VWC2: variants seen among roughly 807,000 people sequenced by gnomAD.
The protein encoded by VWC2 is brorin.
VWC2 carries 14 observed loss-of-function variants against 29.8 expected under a neutral mutation model. That is an observed-to-expected ratio of 0.47 (90% confidence interval 0.31 to 0.74). The LOEUF (loss-of-function observed/expected upper bound fraction) is 0.74. Among genes scored for constraint, VWC2 ranks in the 30% least tolerant of loss-of-function variants. VWC2 has a pLI of 0.05. For missense variants in VWC2, 457 were observed against 459.8 expected, an observed-to-expected ratio of 0.99 and a Z score of 0.05; for synonymous variants, 213 against 199.0, an observed-to-expected ratio of 1.07 and a Z score of -0.59.
intron 3 of VWC2, among the ~76,000 whole-genome samples, chr7:49,865,213 G>A (rs1001287775): frequency 3.3e-5 from 5 of 152,170 alleles, no homozygotes; most frequent in South Asian, 4.1e-4. Context: ...TGTGTGGTCC[G>A]TGGGGTAGGA....
intron 2 of VWC2, among the ~76,000 whole-genome samples, chr7:49,785,569 T>G (rs1788277461): frequency 6.6e-6 from 1 of 152,084 alleles, no homozygotes; most frequent in Non-Finnish European, 1.5e-5. Flanking sequence ...AAAAATATAT[T>G]CACATCCAGC....
chr7:49,854,976 G>C (rs1448756125), intron 3 of VWC2, among the ~76,000 whole-genome samples: 1 of 152,222 alleles, frequency 6.6e-6, no homozygotes, highest in Admixed American at 6.5e-5. Flanking sequence ...TTTGTCATAA[G>C]AGTAGTGCCA....
chr7:49,780,722 A>G (rs953878198), intron 2 of VWC2, among the ~76,000 whole-genome samples: 2 of 152,208 alleles, frequency 1.3e-5, no homozygotes, highest in Non-Finnish European at 2.9e-5. Flanking sequence ...AAGATGAATT[A>G]TTAATAAGTG....
chr7:49,811,586 A>G (rs1457788143), intron 3 of VWC2, among the ~76,000 whole-genome samples: 3 of 152,208 alleles, frequency 2.0e-5, no homozygotes, highest in Non-Finnish European at 2.9e-5. Flanking sequence ...CAGTCTTAGG[A>G]TATTTAGCAG....
intron 3 of VWC2, among the ~76,000 whole-genome samples, chr7:49,824,569 G>C (rs893977922): frequency 6.6e-6 from 1 of 152,042 alleles, no homozygotes; most frequent in African/African-American, 2.4e-5. Context: ...TTTAAATTTA[G>C]CTTGTCAAGT....
chr7:49,816,967 C>A (rs1789160739), intron 3 of VWC2, among the ~76,000 whole-genome samples: 1 of 152,184 alleles, frequency 6.6e-6, no homozygotes, highest in Admixed American at 6.5e-5. Context: ...CTGCTTTCTC[C>A]CTGCCATTGG....
intron 3 of VWC2, among the ~76,000 whole-genome samples, chr7:49,909,868 T>C (rs978348078): frequency 1.3e-5 from 2 of 151,644 alleles, no homozygotes; most frequent in Non-Finnish European, 2.9e-5. Context: ...CTTTGGGAGG[T>C]CAAGGCGGGA....
chr7:49,833,529 A>G (rs692085), intron 3 of VWC2, among the ~76,000 whole-genome samples: 137,203 of 152,252 alleles, frequency 0.9, 62,011 homozygotes, highest in East Asian at 0.94. Flanking sequence ...TTATGAGATA[A>G]AGGAGCAAGG....
chr7:49,860,614 G>T (rs1301835743), intron 3 of VWC2, among the ~76,000 whole-genome samples: 2 of 152,190 alleles, frequency 1.3e-5, no homozygotes, highest in African/African-American at 4.8e-5. Context: ...TTTGGCTATT[G>T]TAATACCTAG....
intron 2 of VWC2, among the ~76,000 whole-genome samples, chr7:49,792,223 C>G (rs1056332800): frequency 2.0e-5 from 3 of 152,184 alleles, no homozygotes; most frequent in African/African-American, 7.2e-5. Context: ...GACTGTAATT[C>G]ATCCTTGTGG....
chr7:49,780,321 G>A (rs1431797452), intron 2 of VWC2, among the ~76,000 whole-genome samples: 2 of 152,178 alleles, frequency 1.3e-5, no homozygotes, highest in Admixed American at 1.3e-4. Context: ...AAACTAAAAG[G>A]TGACTAAGGG....
At chr7:49,867,308 A>G (rs149548889) in intron 3 of VWC2, among the ~76,000 whole-genome samples, 51 of 152,356 alleles carry the variant, frequency 3.3e-4, no homozygotes, top group African/African-American at 1.1e-3. Context: ...AGATTGCCAG[A>G]AAAGAAGAAG....
chr7:49,885,791 A>G (rs1323535469), intron 3 of VWC2, among the ~76,000 whole-genome samples: 1 of 152,220 alleles, frequency 6.6e-6, no homozygotes, highest in Non-Finnish European at 1.5e-5. Flanking sequence ...TGCGGCCTGG[A>G]CCACTAGCAC....
At chr7:49,800,729 T>C (rs149826508) in intron 2 of VWC2, among the ~76,000 whole-genome samples, 4 of 151,736 alleles carry the variant, frequency 2.6e-5, no homozygotes, top group East Asian at 1.9e-4. Context: ...CTGCTTGCTA[T>C]GTATATATCC....
rs1349352291 is a variant in VWC2 at position 49,912,274 on chromosome 7, A to T, written c.*89A>T. 1 of 1,379,224 alleles carries T rather than the reference A, an allele frequency of 7.3e-7. No individual in the cohort carries two copies. Among genetic ancestry groups the T allele is most frequent in the African/African-American group, 1.4e-5 (1 of 69,388 alleles). The allele number at this position is 1,379,224 out of a possible 1,614,324, so 85.4% of individuals were successfully genotyped here. A position where few individuals can be genotyped will look rare whatever the true frequency, so the allele number is the denominator to read the frequency against. On this transcript the variant is annotated 3_prime_UTR_variant, in exon 4 of 4. Coordinates refer to ENST00000340652, the MANE Select transcript of VWC2 (RefSeq NM_198570.5). ...TGACTCTGGGAACTATCAGTCAAAG[A>T]AGACTTTTGATGAGGAATAATGGAA...
rs573062965 is a variant in VWC2, at chr7:49,890,734, A to C, written c.827-21300A>C. Among the ~76,000 whole-genome samples, 365 of 148,350 alleles carry C rather than the reference A, an allele frequency of 2.5e-3. 3 individuals carry two copies. Among genetic ancestry groups the C allele is most frequent in the African/African-American group, 6.3e-3 (245 of 39,188 alleles). On this transcript the variant is annotated intron_variant, in intron 3 of 3. Transcript: ENST00000340652. The stretch of plus-strand genomic sequence containing the variant: ...ACATTAAAACACAAAGCAAAACAAA[A>C]AAAAAAAAAACTGATTTGAAAGCAT...
At chr7:49,821,594 C>T (rs1367451268) in intron 3 of VWC2, among the ~76,000 whole-genome samples, 1 of 151,500 alleles carries the variant, frequency 6.6e-6, no homozygotes, top group African/African-American at 2.4e-5. Flanking sequence ...CAGTGTCTTA[C>T]ATGCTTCAAG....
rs1306007153 is a variant in VWC2 at position 49,776,041 on chromosome 7, C to G, written c.606C>G (p.Val202=). The G allele has an allele frequency of 1.3e-6, 2 of 1,547,794 alleles. No individual in the cohort carries two copies. The highest frequency in any genetic ancestry group is 2.4e-5 in the South Asian group (2 of 84,406). Residue 202 remains valine, a synonymous_variant, in exon 2 of 4, where the codon GTC becomes GTG. Coordinates refer to ENST00000340652, the MANE Select transcript of VWC2 (RefSeq NM_198570.5). ...GGCTGCACCCGCGCTGCATCCACGT[C>G]GACACGAGCCAGTGCTGCCCGCAGT... ...CPRLHPRCIH[V]DTSQCCPQCK...
chr7:49,883,890 A>G (rs1187461761), intron 3 of VWC2, among the ~76,000 whole-genome samples: 2 of 152,244 alleles, frequency 1.3e-5, no homozygotes, highest in Admixed American at 6.5e-5. Context: ...ACAAAGATGT[A>G]AAAGTCATGC....
Sources: gnomAD v4.1 joint callset for allele counts (sites outside exome capture counted in the v4.1 genomes callset) on GRCh38, gnomAD v4.1.1 for gene constraint, MANE v1.5 for transcripts, NCBI Gene and HGNC (gene_info 2026-07-23, HGNC 2026-07-21) for gene names.